The following FSTL5 variants were observed in gnomAD, a reference collection of about 807,000 sequenced individuals.
The protein encoded by FSTL5 is follistatin like 5.
A neutral mutation model predicts 89.1 loss-of-function variants in FSTL5; 62 were observed. The ratio of observed to expected loss-of-function variants is 0.70; its 90% CI spans 0.57 to 0.86. FSTL5 has a LOEUF of 0.86. Among genes scored for constraint, FSTL5 ranks in the 40% least tolerant of loss-of-function variants. The probability of loss-of-function intolerance (pLI) is 0.00; values close to 1 mark genes in which losing one functional copy is unlikely to be tolerated. For missense variants in FSTL5, 1,057 were observed against 1,001.6 expected (o/e 1.06, Z -0.75); for synonymous variants, 383 against 346.2 (o/e 1.11, Z -1.18).
chr4:161,542,400 T>C (rs1731850548), intron 9 of FSTL5, 132 bp downstream of exon 9: 1 of 461,834 alleles, frequency 2.2e-6, no homozygotes, highest in Non-Finnish European at 3.7e-6. Context: ...GATATGAGCA[T>C]TTTTTTTCAT....
At chr4:162,137,270 T>A (rs1732556218) in intron 1 of FSTL5, among the ~76,000 whole-genome samples, 1 of 152,102 alleles carries the variant, frequency 6.6e-6, no homozygotes, top group Admixed American at 6.5e-5. Context: ...TAATGTCAAA[T>A]CTCTATCAGC....
intron 2 of FSTL5, among the ~76,000 whole-genome samples, chr4:162,059,899 C>G (rs1015489923): frequency 4.6e-5 from 7 of 152,100 alleles, no homozygotes; most frequent in African/African-American, 1.7e-4. Flanking sequence ...AAAAATCTTT[C>G]AGAATTTCTC....
chr4:162,011,536 C>G (rs1736767097), intron 3 of FSTL5, among the ~76,000 whole-genome samples: 2 of 151,910 alleles, frequency 1.3e-5, no homozygotes, highest in Admixed American at 1.3e-4. Context: ...TCTTGTCGCC[C>G]AGGCTGGAGT....
chr4:161,446,738 A>G (rs756425342), intron 15 of FSTL5, among the ~76,000 whole-genome samples: 21 of 152,058 alleles, frequency 1.4e-4, no homozygotes, highest in Non-Finnish European at 2.9e-4. Context: ...AAATGCTTAA[A>G]TTCTCACAGT....
intron 3 of FSTL5, among the ~76,000 whole-genome samples, chr4:162,030,263 T>C (rs796923873): frequency 1.1e-4 from 16 of 152,134 alleles, no homozygotes; most frequent in African/African-American, 3.6e-4. Flanking sequence ...TGCTGGCATG[T>C]ATGAAAGCTA....
intron 5 of FSTL5, 105 bp downstream of exon 5, chr4:161,775,773 A>G: frequency 1.7e-6 from 1 of 573,152 alleles, no homozygotes; most frequent in Admixed American, 3.6e-5. Flanking sequence ...TTTCAATAAT[A>G]TGGATCAAAT....
chr4:161,849,337 T>C (rs1305160046), intron 4 of FSTL5, among the ~76,000 whole-genome samples: 1 of 152,050 alleles, frequency 6.6e-6, no homozygotes, highest in Admixed American at 6.6e-5. Flanking sequence ...ATTTGAGTCC[T>C]TATCAATACA....
At chr4:161,645,705 T>C (rs1191527873) in intron 7 of FSTL5, among the ~76,000 whole-genome samples, 1 of 152,128 alleles carries the variant, frequency 6.6e-6, no homozygotes, top group Admixed American at 6.5e-5. Flanking sequence ...TTCCATGTTT[T>C]ATATTTGTGA....
intron 14 of FSTL5, among the ~76,000 whole-genome samples, chr4:161,458,667 C>T (rs1171127309): frequency 1.3e-5 from 2 of 152,136 alleles, no homozygotes; most frequent in African/African-American, 2.4e-5. Flanking sequence ...TCTGCTTAAA[C>T]TTGTAAGGCT....
chr4:162,140,859 A>C (rs1317012328), intron 1 of FSTL5, among the ~76,000 whole-genome samples: 3 of 152,166 alleles, frequency 2.0e-5, no homozygotes, highest in African/African-American at 7.2e-5. Flanking sequence ...AAGGAGGTTA[A>C]TATGACCCCA....
chr4:161,618,554 C>A (rs7675462), intron 7 of FSTL5, among the ~76,000 whole-genome samples: 101,603 of 150,488 alleles, frequency 0.68, 34,744 homozygotes, highest in African/African-American at 0.77. Flanking sequence ...ATTTTGTCAA[C>A]GGCCTTTTCT....
intron 6 of FSTL5, among the ~76,000 whole-genome samples, chr4:161,717,527 A>G (rs192545336): frequency 6.6e-6 from 1 of 152,274 alleles, no homozygotes; most frequent in East Asian, 1.9e-4. Context: ...CCTCACATCC[A>G]AACTCCAGTA....
chr4:162,036,682 A>T (rs1737753510), intron 2 of FSTL5, among the ~76,000 whole-genome samples: 1 of 152,044 alleles, frequency 6.6e-6, no homozygotes, highest in African/African-American at 2.4e-5. Flanking sequence ...AGAAAAATCA[A>T]GAGATCAAGG....
intron 4 of FSTL5, among the ~76,000 whole-genome samples, chr4:161,810,733 T>C (rs1010023825): frequency 6.6e-6 from 1 of 152,214 alleles, no homozygotes; most frequent in African/African-American, 2.4e-5. Flanking sequence ...TTAACTATAA[T>C]AATGTTAATC....
intron 7 of FSTL5, among the ~76,000 whole-genome samples, chr4:161,616,974 C>T (rs1444171639): frequency 1.3e-5 from 2 of 150,528 alleles, no homozygotes; most frequent in Admixed American, 6.7e-5. Flanking sequence ...TGTGTGCAAA[C>T]TCAGGAGAAA....
At chr4:161,596,697 A>G (rs2126618167) in intron 7 of FSTL5, among the ~76,000 whole-genome samples, 1 of 152,244 alleles carries the variant, frequency 6.6e-6, no homozygotes, top group Middle Eastern at 3.4e-3. Flanking sequence ...GAGGATCACG[A>G]AGTTTTATAA....
chr4:161,785,226 G>C (rs1176738929), intron 4 of FSTL5, among the ~76,000 whole-genome samples: 2 of 152,116 alleles, frequency 1.3e-5, no homozygotes. Flanking sequence ...GAAGCTACAA[G>C]GTGCATCCAT....
At chr4:161,622,970 C>G (rs532003363) in intron 7 of FSTL5, among the ~76,000 whole-genome samples, 4 of 152,018 alleles carry the variant, frequency 2.6e-5, no homozygotes, top group African/African-American at 9.6e-5. Context: ...ATCCAGGAAG[C>G]CAAGGTTGCC....
chr4:162,149,947 T>C (rs747681002), intron 1 of FSTL5, among the ~76,000 whole-genome samples: 1 of 152,128 alleles, frequency 6.6e-6, no homozygotes, highest in Non-Finnish European at 1.5e-5. Flanking sequence ...AAAACAGATA[T>C]ATAACCACAT....
Sources: allele counts gnomAD v4.1 joint callset (sites outside exome capture counted in the v4.1 genomes callset), GRCh38; gene constraint gnomAD v4.1.1; transcripts MANE v1.5; gene names NCBI Gene and HGNC (gene_info 2026-07-23, HGNC 2026-07-21).